Variants in UNC13C observed in about 807,000 individuals in gnomAD.
UNC13C encodes unc-13 homolog C, also known as protein unc-13 homolog C.
A neutral mutation model predicts 245.4 loss-of-function variants in UNC13C; 174 were observed. The observed-to-expected ratio is 0.71, with a 90% CI of 0.63 to 0.80. The LOEUF (loss-of-function observed/expected upper bound fraction) is 0.80, where lower values mean the gene tolerates loss of function less well. UNC13C is among the 30% of genes least tolerant of loss of function. The pLI, the probability that UNC13C is intolerant of heterozygous loss-of-function variation, is 0.00. For missense variants in UNC13C, 2,829 were observed against 2,602.9 expected (o/e 1.09, Z -1.89); for synonymous variants, 992 against 895.1 (o/e 1.11, Z -1.93).
intron 4 of UNC13C, among the ~76,000 whole-genome samples, chr15:54,227,969 A>G (rs995432692): frequency 1.3e-5 from 2 of 152,206 alleles, no homozygotes; most frequent in African/African-American, 2.4e-5. Flanking sequence ...TGGTGGGTCC[A>G]GAGATGCCAT....
intron 2 of UNC13C, among the ~76,000 whole-genome samples, chr15:54,140,852 C>A (rs1214398253): frequency 5.3e-5 from 8 of 152,058 alleles, no homozygotes; most frequent in Non-Finnish European, 1.2e-4. Flanking sequence ...ATAATTTTAT[C>A]TTTTTTAGAA....
chr15:53,878,568 C>T, the UNC13C span, among the ~76,000 whole-genome samples: 4 of 152,152 alleles, frequency 2.6e-5, no homozygotes, highest in Non-Finnish European at 4.4e-5. Context: ...CCAGCCCTGT[C>T]GTCCTGCTGA....
chr15:54,603,146 G>A (rs1042226912), intron 30 of UNC13C, among the ~76,000 whole-genome samples: 8 of 152,268 alleles, frequency 5.3e-5, no homozygotes, highest in African/African-American at 1.9e-4. Flanking sequence ...CTTGACACCT[G>A]TCTCATGGTA....
chr15:54,160,844 A>C (rs912321164), intron 4 of UNC13C, among the ~76,000 whole-genome samples: 3 of 152,188 alleles, frequency 2.0e-5, no homozygotes, highest in Non-Finnish European at 4.4e-5. Flanking sequence ...TCTAATATCT[A>C]TATCTCTAAT....
intron 2 of UNC13C, among the ~76,000 whole-genome samples, chr15:54,138,621 T>C (rs2031852543): frequency 6.6e-6 from 1 of 152,188 alleles, no homozygotes; most frequent in African/African-American, 2.4e-5. Flanking sequence ...GTTCTATATT[T>C]AATCATGTAT....
intron 2 of UNC13C, among the ~76,000 whole-genome samples, chr15:54,090,012 A>C (rs1230952829): frequency 6.6e-6 from 1 of 152,188 alleles, no homozygotes; most frequent in Non-Finnish European, 1.5e-5. Context: ...CTCTGGCACA[A>C]ACAGCCTGGG....
intron 30 of UNC13C, among the ~76,000 whole-genome samples, chr15:54,614,765 T>G (rs1378714621): frequency 6.6e-6 from 1 of 151,982 alleles, no homozygotes; most frequent in Non-Finnish European, 1.5e-5. Context: ...CTTAGACATT[T>G]TGCCCTTTAT....
At chr15:53,961,338 C>G in the UNC13C span, among the ~76,000 whole-genome samples, 2 of 152,244 alleles carry the variant, frequency 1.3e-5, no homozygotes, top group Admixed American at 1.3e-4. Context: ...CTTCACCTCT[C>G]AGGAAGTTAC....
chr15:54,478,198 C>G (rs1021453608), intron 19 of UNC13C, among the ~76,000 whole-genome samples: 2 of 145,966 alleles, frequency 1.4e-5, no homozygotes, highest in Admixed American at 6.8e-5. Context: ...ATTCTTCTCT[C>G]TTTTTTTCTT....
At chr15:54,550,544 A>G (rs1354930220) in intron 28 of UNC13C, among the ~76,000 whole-genome samples, 1 of 152,154 alleles carries the variant, frequency 6.6e-6, no homozygotes, top group Non-Finnish European at 1.5e-5. Context: ...GCACAGGGGA[A>G]AAACAAAATG....
intron 13 of UNC13C, among the ~76,000 whole-genome samples, chr15:54,302,002 G>C (rs936866456): frequency 1.3e-5 from 2 of 151,994 alleles, no homozygotes; most frequent in African/African-American, 4.8e-5. Flanking sequence ...GTGATGGTAT[G>C]TGATTGTGGT....
chr15:54,211,029 G>A (rs909734777), intron 4 of UNC13C, among the ~76,000 whole-genome samples: 1 of 152,096 alleles, frequency 6.6e-6, no homozygotes, highest in African/African-American at 2.4e-5. Context: ...GAAATGCAGG[G>A]CATTCATGAA....
chr15:53,999,267 A>C (rs916054196), intron 1 of UNC13C, among the ~76,000 whole-genome samples: 1 of 151,748 alleles, frequency 6.6e-6, no homozygotes, highest in African/African-American at 2.4e-5. Flanking sequence ...TATATGTAAG[A>C]TATCTATATA....
At chr15:53,870,425 A>C in the UNC13C span, among the ~76,000 whole-genome samples, 42 of 93,898 alleles carry the variant, frequency 4.5e-4, no homozygotes, top group African/African-American at 5.3e-4. Flanking sequence ...TTTCCTTCCC[A>C]CCCCCCACCC....
intron 2 of UNC13C, among the ~76,000 whole-genome samples, chr15:54,142,270 C>T (rs532047464): frequency 8.5e-5 from 13 of 152,102 alleles, no homozygotes; most frequent in Non-Finnish European, 1.9e-4. Flanking sequence ...ATTTATCTTG[C>T]ATTGCATCTG....
chr15:54,365,901 T>G (rs1190097991), intron 17 of UNC13C, among the ~76,000 whole-genome samples: 1 of 152,150 alleles, frequency 6.6e-6, no homozygotes, highest in Non-Finnish European at 1.5e-5. Context: ...TCATCGTGAG[T>G]TTTTATAAGG....
At chr15:54,364,142 T>C (rs2039302041) in intron 17 of UNC13C, among the ~76,000 whole-genome samples, 1 of 152,052 alleles carries the variant, frequency 6.6e-6, no homozygotes, top group South Asian at 2.1e-4. Flanking sequence ...AGATGCTATA[T>C]GAAAGAAAAA....
intron 19 of UNC13C, among the ~76,000 whole-genome samples, chr15:54,435,807 G>T (rs1334241743): frequency 6.6e-6 from 1 of 151,390 alleles, no homozygotes; most frequent in African/African-American, 2.4e-5. Context: ...CAGAATGGGA[G>T]AAAACTTTTG....
chr15:54,071,732 T>C (rs1032368780), intron 2 of UNC13C, among the ~76,000 whole-genome samples: 2 of 152,224 alleles, frequency 1.3e-5, no homozygotes, highest in African/African-American at 4.8e-5. Context: ...TGTTCATACA[T>C]AAAGCTTAAT....
Sources: gnomAD v4.1 joint callset for allele counts (sites outside exome capture counted in the v4.1 genomes callset) on GRCh38, gnomAD v4.1.1 for gene constraint, MANE v1.5 for transcripts, NCBI Gene and HGNC (gene_info 2026-07-23, HGNC 2026-07-21) for gene names.